Variants in TMTC2 observed in about 807,000 individuals in gnomAD.
TMTC2 encodes the protein protein O-mannosyl-transferase TMTC2.
In TMTC2, 43 loss-of-function variants were observed where a neutral mutation model predicts 82.4. The ratio of observed to expected loss-of-function variants is 0.52; its 90% confidence interval spans 0.41 to 0.67. The LOEUF (loss-of-function observed/expected upper bound fraction) is 0.67, where lower values mean the gene tolerates loss of function less well. Ranked by LOEUF, TMTC2 falls within the 30% of genes least tolerant of loss-of-function variation. The pLI, the probability that TMTC2 is intolerant of heterozygous loss-of-function variation, is 0.00. For missense variants in TMTC2, 919 were observed against 1,012.4 expected (o/e 0.91, Z 1.25); for synonymous variants, 408 against 381.9 (o/e 1.07, Z -0.80).
At chr12:82,866,295 C>T (rs934149959) in intron 2 of TMTC2, among the ~76,000 whole-genome samples, 1 of 151,160 alleles carries the variant, frequency 6.6e-6, no homozygotes, top group Non-Finnish European at 1.5e-5. Context: ...TGTCCCTTCT[C>T]CCAACCTTGA....
chr12:82,705,777 A>G (rs1873324700), intron 1 of TMTC2, among the ~76,000 whole-genome samples: 1 of 152,108 alleles, frequency 6.6e-6, no homozygotes, highest in Admixed American at 6.5e-5. Flanking sequence ...CGTGTTAGGG[A>G]TCATGTTAGA....
At chr12:82,909,062 G>C (rs1397643897) in intron 3 of TMTC2, among the ~76,000 whole-genome samples, 1 of 152,176 alleles carries the variant, frequency 6.6e-6, no homozygotes, top group Non-Finnish European at 1.5e-5. Context: ...AATTCCCAAG[G>C]AATATTTTTG....
Position 82,965,145 on chromosome 12 carries a change from CT to C in TMTC2, c.1684+39del, listed in dbSNP as rs780444184. The C allele has an allele frequency of 2.7e-6, 4 of 1,480,798 alleles. No homozygotes were observed. The East Asian group carries it at 9.1e-5, about 34-fold the overall frequency. The allele number at this position is 1,480,798 out of a possible 1,614,324, so 91.7% of individuals were successfully genotyped here. A position where few individuals can be genotyped will look rare whatever the true frequency, so the allele number is the denominator to read the frequency against. On this transcript the variant is annotated intron_variant, in intron 5 of 11. Coordinates refer to ENST00000321196, the MANE Select transcript of TMTC2 (RefSeq NM_152588.3). ...CTCAAGTGTTTATTTTTTTATACCT[CT>C]TTCCATATTTGAAAATTAACTCTAA...
intron 7 of TMTC2, among the ~76,000 whole-genome samples, chr12:82,972,152 TG>T (rs1374746001): frequency 6.6e-6 from 1 of 152,204 alleles, no homozygotes; most frequent in Non-Finnish European, 1.5e-5. Flanking sequence ...AGTGTGTTTA[TG>T]ATGAGCAATA....
In TMTC2 at chr12:82,896,306, A is replaced by G. The variant is rs978271288; in HGVS notation, c.1143A>G (p.Val381=). Residue 381 remains valine (V), a synonymous_variant, in exon 3 of 12, where the codon GTA becomes GTG. Coordinates refer to ENST00000321196, the MANE Select transcript of TMTC2 (RefSeq NM_152588.3). ...SKVENGIKND[V]SQRTQLPSTE... ...TAGAAAATGGCATTAAAAACGATGT[A>G]TCACAGAGAACCCAGCTTCCTTCTA... 6 of 1,614,178 alleles carry G rather than the reference A, an allele frequency of 3.7e-6. No individual in the cohort carries two copies. In the Admixed American group the frequency reaches 6.7e-5, roughly 18 times the overall value.
intron 2 of TMTC2, among the ~76,000 whole-genome samples, chr12:82,865,099 C>T (rs2137126849): frequency 6.6e-6 from 1 of 150,554 alleles, no homozygotes; most frequent in Middle Eastern, 3.5e-3. Flanking sequence ...TGGAGGGGTG[C>T]CTGTAATCCC....
intron 1 of TMTC2, among the ~76,000 whole-genome samples, chr12:82,771,619 A>G (rs938593182): frequency 2.6e-5 from 4 of 152,226 alleles, no homozygotes; most frequent in Non-Finnish European, 5.9e-5. Context: ...AACTAGATGC[A>G]ATGCTTTTAA....
chr12:83,008,604 T>C (rs1880308988), intron 8 of TMTC2, among the ~76,000 whole-genome samples: 1 of 152,232 alleles, frequency 6.6e-6, no homozygotes, highest in South Asian at 2.1e-4. Context: ...AATTCCAAAA[T>C]TTGTTTCATA....
chr12:83,094,655 G>A (rs996474641), intron 11 of TMTC2, among the ~76,000 whole-genome samples: 10 of 152,160 alleles, frequency 6.6e-5, no homozygotes, highest in African/African-American at 2.2e-4. Context: ...AGTAAGTACA[G>A]GAGGGAAGAA....
intron 1 of TMTC2, among the ~76,000 whole-genome samples, chr12:82,836,238 C>T (rs1456838208): frequency 6.6e-6 from 1 of 152,194 alleles, no homozygotes; most frequent in Non-Finnish European, 1.5e-5. Flanking sequence ...ACTTAGTGGC[C>T]TTCCAAAGAT....
intron 1 of TMTC2, among the ~76,000 whole-genome samples, chr12:82,717,561 G>A (rs1347338202): frequency 6.6e-6 from 1 of 152,040 alleles, no homozygotes; most frequent in Non-Finnish European, 1.5e-5. Context: ...TTTTTGTACT[G>A]TAAGCGTCTT....
At chr12:82,989,579 G>T (rs1010827130) in intron 8 of TMTC2, among the ~76,000 whole-genome samples, 1 of 150,640 alleles carries the variant, frequency 6.6e-6, no homozygotes. Flanking sequence ...CCAAAAAAAA[G>T]TTAGAAAAGA....
At chr12:82,743,333 C>T (rs559207800) in intron 1 of TMTC2, among the ~76,000 whole-genome samples, 8 of 151,540 alleles carry the variant, frequency 5.3e-5, no homozygotes, top group South Asian at 4.2e-4. Flanking sequence ...CATAGCTACT[C>T]GGTAGGCTGA....
At chr12:83,073,107 T>C (rs1452508744) in intron 11 of TMTC2, among the ~76,000 whole-genome samples, 2 of 152,168 alleles carry the variant, frequency 1.3e-5, no homozygotes, top group Non-Finnish European at 2.9e-5. Context: ...TCATAGATCC[T>C]GTGTTTTGAT....
At chr12:82,801,660 C>G (rs1323718675) in intron 1 of TMTC2, among the ~76,000 whole-genome samples, 1 of 152,000 alleles carries the variant, frequency 6.6e-6, no homozygotes, top group Non-Finnish European at 1.5e-5. Flanking sequence ...CAGATTGGTG[C>G]ACCTACAAAC....
chr12:82,690,262 G>A, intron 1 of TMTC2: 1 of 465,426 alleles, frequency 2.1e-6, no homozygotes, highest in South Asian at 9.2e-5. Flanking sequence ...AAAGATTCAT[G>A]TTTAAAACAT....
chr12:82,765,943 A>T (rs1372818624), intron 1 of TMTC2, among the ~76,000 whole-genome samples: 1 of 152,208 alleles, frequency 6.6e-6, no homozygotes, highest in Non-Finnish European at 1.5e-5. Flanking sequence ...GTGGGTTTCA[A>T]CATCATTATT....
intron 8 of TMTC2, among the ~76,000 whole-genome samples, chr12:82,991,575 T>A (rs1170306742): frequency 6.6e-6 from 1 of 152,158 alleles, no homozygotes; most frequent in Non-Finnish European, 1.5e-5. Flanking sequence ...AGCCTCCATG[T>A]TTAAATATAG....
intron 7 of TMTC2, among the ~76,000 whole-genome samples, chr12:82,981,471 C>T (rs1346008448): frequency 6.6e-6 from 1 of 151,876 alleles, no homozygotes; most frequent in Non-Finnish European, 1.5e-5. Flanking sequence ...AGCCTGGAGA[C>T]ATCCAAATTC....
Sources: gnomAD v4.1 joint callset for allele counts (sites outside exome capture counted in the v4.1 genomes callset) on GRCh38, gnomAD v4.1.1 for gene constraint, MANE v1.5 for transcripts, NCBI Gene and HGNC (gene_info 2026-07-23, HGNC 2026-07-21) for gene names.